The following CNTNAP5 variants were observed in gnomAD, a reference collection of about 807,000 sequenced individuals.
CNTNAP5 encodes the protein contactin-associated protein-like 5.
CNTNAP5 carries 72 observed loss-of-function variants against 150.2 expected under a neutral mutation model. The ratio of observed to expected loss-of-function variants is 0.48; its 90% CI spans 0.40 to 0.58. The LOEUF is 0.58. CNTNAP5 is among the 20% of genes least tolerant of loss of function. CNTNAP5 has a pLI of 0.00. For synonymous variants in CNTNAP5, 672 were observed against 619.8 expected (o/e 1.08, Z -1.25); for missense variants, 1,636 against 1,626.2 (o/e 1.01, Z -0.10).
At chr2:124,076,299 C>T (rs1194101965) in intron 1 of CNTNAP5, among the ~76,000 whole-genome samples, 1 of 152,150 alleles carries the variant, frequency 6.6e-6, no homozygotes, top group Non-Finnish European at 1.5e-5. Context: ...ATCAAGAACT[C>T]TACCTCCTGC....
intron 1 of CNTNAP5, among the ~76,000 whole-genome samples, chr2:124,055,260 C>T (rs1042110304): frequency 6.6e-6 from 1 of 152,042 alleles, no homozygotes; most frequent in Non-Finnish European, 1.5e-5. Context: ...AGATAAAGTC[C>T]AACTTCTTCA....
At chr2:124,127,662 G>C (rs1029580836) in intron 1 of CNTNAP5, among the ~76,000 whole-genome samples, 3 of 151,944 alleles carry the variant, frequency 2.0e-5, no homozygotes, top group Non-Finnish European at 2.9e-5. Context: ...TCAAGCTATA[G>C]TACAAGGCTA....
chr2:124,663,063 C>T (rs1435771224), intron 13 of CNTNAP5, among the ~76,000 whole-genome samples: 1 of 152,136 alleles, frequency 6.6e-6, no homozygotes, highest in Admixed American at 6.5e-5. Flanking sequence ...GTTAATCCTT[C>T]GAATCCCGTG....
At chr2:124,598,151 A>G (rs1346397507) in intron 11 of CNTNAP5, among the ~76,000 whole-genome samples, 52 of 135,350 alleles carry the variant, frequency 3.8e-4, no homozygotes, top group African/African-American at 1.4e-3. Context: ...GCTCATCAAA[A>G]TCATTCTCCA....
chr2:124,702,490 A>G (rs1329192941), intron 13 of CNTNAP5, among the ~76,000 whole-genome samples: 1 of 148,832 alleles, frequency 6.7e-6, no homozygotes, highest in Non-Finnish European at 1.5e-5. Flanking sequence ...AGGGATGTGG[A>G]CATTGCTTTC....
intron 21 of CNTNAP5, among the ~76,000 whole-genome samples, chr2:124,889,441 G>A (rs1483836961): frequency 6.6e-6 from 1 of 151,994 alleles, no homozygotes; most frequent in African/African-American, 2.4e-5. Flanking sequence ...TATTGTGAAA[G>A]GTAGGGGTCC....
intron 1 of CNTNAP5, among the ~76,000 whole-genome samples, chr2:124,173,801 A>G (rs537724387): frequency 3.9e-5 from 6 of 152,350 alleles, no homozygotes; most frequent in South Asian, 2.1e-4. Flanking sequence ...CAGATTTTCA[A>G]TGTAGACAAA....
At position 124,086,036 on chromosome 2, in the gene CNTNAP5, CTTG is replaced by C. The variant is rs556838803; in HGVS notation, c.82+60309_82+60311del. Among the ~76,000 whole-genome samples, 7 of 152,174 alleles carry C rather than the reference CTTG, an allele frequency of 4.6e-5. No individual in the cohort carries two copies. The South Asian group carries it at 1.2e-3, about 27-fold the overall frequency. ...TGTAAACTTGCTGATATTCTGTCTC[CTTG>C]TTGTATCAATCATGTAGAGAATGAT... On this transcript the variant is annotated intron_variant, in intron 1 of 23. Transcript: ENST00000682447.
At chr2:124,682,846 AG>A (rs1384331300) in intron 13 of CNTNAP5, among the ~76,000 whole-genome samples, 1 of 152,182 alleles carries the variant, frequency 6.6e-6, no homozygotes, top group Non-Finnish European at 1.5e-5. Flanking sequence ...GCTATGGAAA[AG>A]GATGTTGGCT....
chr2:124,249,560 T>C (rs1393543719), intron 3 of CNTNAP5, among the ~76,000 whole-genome samples: 1 of 152,206 alleles, frequency 6.6e-6, no homozygotes, highest in Non-Finnish European at 1.5e-5. Flanking sequence ...AATTTATCTA[T>C]AGCCTAGAAG....
chr2:124,415,616 A>G (rs557030890), intron 3 of CNTNAP5, among the ~76,000 whole-genome samples: 1 of 152,330 alleles, frequency 6.6e-6, no homozygotes, highest in East Asian at 1.9e-4. Flanking sequence ...CACACCAGCA[A>G]GTAGGTTTTA....
intron 1 of CNTNAP5, among the ~76,000 whole-genome samples, chr2:124,092,065 C>T (rs995257315): frequency 6.6e-6 from 1 of 152,152 alleles, no homozygotes. Flanking sequence ...ATCTTTTTAT[C>T]GTATTATCCT....
chr2:124,511,746 C>T (rs144290745), intron 8 of CNTNAP5, among the ~76,000 whole-genome samples: 2 of 152,282 alleles, frequency 1.3e-5, no homozygotes, highest in African/African-American at 4.8e-5. Flanking sequence ...AGCCCCTTGC[C>T]AGAGGTCATG....
intron 3 of CNTNAP5, among the ~76,000 whole-genome samples, chr2:124,356,221 A>T (rs554706786): frequency 2.0e-5 from 3 of 152,132 alleles, no homozygotes; most frequent in African/African-American, 7.2e-5. Context: ...TCCTGCTTCT[A>T]CTAAAATATG....
At chr2:124,785,036 G>A (rs1681533312) in intron 17 of CNTNAP5, among the ~76,000 whole-genome samples, 1 of 92,624 alleles carries the variant, frequency 1.1e-5, no homozygotes, top group Admixed American at 1.5e-4. Context: ...AGAGATTAAG[G>A]CTGAGAAAAA....
chr2:124,188,582 G>C (rs928601172), intron 1 of CNTNAP5, among the ~76,000 whole-genome samples: 1 of 151,788 alleles, frequency 6.6e-6, no homozygotes, highest in Non-Finnish European at 1.5e-5. Context: ...AGCCGGGCGT[G>C]GTGGCGGGCG....
intron 1 of CNTNAP5, among the ~76,000 whole-genome samples, chr2:124,165,241 C>G (rs2699367): frequency 6.6e-6 from 1 of 151,904 alleles, no homozygotes; most frequent in Non-Finnish European, 1.5e-5. Flanking sequence ...TAATTAGTCA[C>G]TTTGCTTGGT....
chr2:124,029,728 TA>T (rs1680992197), intron 1 of CNTNAP5, among the ~76,000 whole-genome samples: 1 of 152,136 alleles, frequency 6.6e-6, no homozygotes, highest in South Asian at 2.1e-4. Context: ...TGAATCACTT[TA>T]TTTCTTAATG....
chr2:124,785,977 T>A (rs988202928), intron 17 of CNTNAP5, among the ~76,000 whole-genome samples: 1 of 152,156 alleles, frequency 6.6e-6, no homozygotes, highest in Non-Finnish European at 1.5e-5. Context: ...GGTTCACACC[T>A]GTAATCCCAG....
Sources: allele counts gnomAD v4.1 joint callset (sites outside exome capture counted in the v4.1 genomes callset), GRCh38; gene constraint gnomAD v4.1.1; transcripts MANE v1.5; gene names NCBI Gene and HGNC (gene_info 2026-07-23, HGNC 2026-07-21).